SSBP3: variants seen among roughly 807,000 people sequenced by gnomAD.
SSBP3 encodes the protein single stranded DNA binding protein 3.
Under a neutral mutation model 69.6 loss-of-function variants are expected in SSBP3, and 5 were observed. The observed-to-expected ratio is 0.07, with a 90% CI of 0.04 to 0.15. The LOEUF (loss-of-function observed/expected upper bound fraction) is 0.15. SSBP3 is among the 10% of genes least tolerant of loss of function. The pLI, the probability that SSBP3 is intolerant of heterozygous loss-of-function variation, is 1.00. For missense variants in SSBP3, 312 were observed against 534.0 expected (o/e 0.58, Z 4.10); for synonymous variants, 196 against 193.4 (o/e 1.01, Z -0.11).
chr1:54,359,331 G>C (rs755317403), intron 4 of SSBP3, among the ~76,000 whole-genome samples: 59 of 151,872 alleles, frequency 3.9e-4, no homozygotes, highest in Non-Finnish European at 7.1e-4. Context: ...CTGTCTGGTA[G>C]TGAGTTCCCC....
At chr1:54,405,925 C>G in intron 1 of SSBP3, 28 bp downstream of exon 1, 1 of 1,258,680 alleles carries the variant, frequency 7.9e-7, no homozygotes, top group Non-Finnish European at 1.0e-6. Flanking sequence ...GGCGGCGGCG[C>G]GGCCGCCACT....
chr1:54,365,196 G>A (rs377072485), intron 4 of SSBP3, among the ~76,000 whole-genome samples: 6 of 152,198 alleles, frequency 3.9e-5, no homozygotes, highest in African/African-American at 7.2e-5. Flanking sequence ...ATTAGCTGCC[G>A]TATTGACAGA....
intron 4 of SSBP3, among the ~76,000 whole-genome samples, chr1:54,291,500 G>C (rs1569649106): frequency 6.6e-6 from 1 of 152,122 alleles, no homozygotes; most frequent in South Asian, 2.1e-4. Flanking sequence ...ACACGGGTTC[G>C]GCGCTGAGCA....
intron 14 of SSBP3, among the ~76,000 whole-genome samples, chr1:54,233,117 T>C (rs1324086301): frequency 4.7e-4 from 58 of 124,294 alleles, no homozygotes; most frequent in South Asian, 8.9e-4. Flanking sequence ...CCGGCCGCCA[T>C]CCCATCTAGG....
chr1:54,242,034 C>A, intron 11 of SSBP3, 130 bp downstream of exon 11: 1 of 1,108,452 alleles, frequency 9.0e-7, no homozygotes, highest in Admixed American at 2.0e-5. Flanking sequence ...ACGGCCTTCT[C>A]CCTAGAAGCA....
chr1:54,370,805 A>G (rs1647119698), intron 4 of SSBP3, among the ~76,000 whole-genome samples: 1 of 152,098 alleles, frequency 6.6e-6, no homozygotes, highest in Admixed American at 6.6e-5. Context: ...ACAAAGAATG[A>G]GCATGCGTGT....
chr1:54,247,616 C>T (rs1424441228), intron 9 of SSBP3, among the ~76,000 whole-genome samples: 3 of 152,158 alleles, frequency 2.0e-5, no homozygotes, highest in Non-Finnish European at 1.5e-5. Flanking sequence ...TTCATCTGAA[C>T]TCTCAAATGC....
intron 4 of SSBP3, among the ~76,000 whole-genome samples, chr1:54,307,203 G>A (rs1645916416): frequency 6.6e-6 from 1 of 152,014 alleles, no homozygotes; most frequent in Non-Finnish European, 1.5e-5. Flanking sequence ...CCCCAGTTAT[G>A]GCCACACCCC....
At chr1:54,364,781 C>T (rs902547815) in intron 4 of SSBP3, among the ~76,000 whole-genome samples, 5 of 152,214 alleles carry the variant, frequency 3.3e-5, no homozygotes, top group African/African-American at 1.2e-4. Context: ...GGCCACTCCT[C>T]CTCTCAGCAA....
At chr1:54,341,711 GAA>G (rs113716850) in intron 4 of SSBP3, among the ~76,000 whole-genome samples, 9,106 of 139,902 alleles carry the variant, frequency 0.065, 390 homozygotes, top group Admixed American at 0.14. Context: ...TATAATGATT[GAA>G]AAAAAAAAAA....
At chr1:54,251,746 C>A (rs373103170) in intron 8 of SSBP3, 48 bp downstream of exon 8, 8 of 1,593,338 alleles carry the variant, frequency 5.0e-6, no homozygotes, top group South Asian at 3.4e-5. Flanking sequence ...GGAGGAGGAG[C>A]CCCTCCTGGC....
At chr1:54,377,393 C>T (rs1307896354) in intron 4 of SSBP3, among the ~76,000 whole-genome samples, 2 of 152,226 alleles carry the variant, frequency 1.3e-5, no homozygotes, top group African/African-American at 2.4e-5. Flanking sequence ...CCACTGGGCA[C>T]ACACACTGAA....
intron 10 of SSBP3, 123 bp downstream of exon 10, chr1:54,243,112 T>A: frequency 1.2e-6 from 1 of 854,764 alleles, no homozygotes; most frequent in Non-Finnish European, 2.0e-6. Flanking sequence ...ACATTACCGA[T>A]GAGGAGACTG....
intron 4 of SSBP3, among the ~76,000 whole-genome samples, chr1:54,337,116 T>C (rs1247951280): frequency 2.0e-5 from 3 of 152,250 alleles, no homozygotes; most frequent in Non-Finnish European, 4.4e-5. Flanking sequence ...CGCTGTCTTC[T>C]CTTCCTTCCA....
chr1:54,228,537 C>A, intron 15 of SSBP3, 60 bp from the exon 16 acceptor site: 1 of 1,609,470 alleles, frequency 6.2e-7, no homozygotes. Flanking sequence ...AGGGGTCTCC[C>A]CTCGTCCTGG....
chr1:54,306,722 G>A (rs1055431250), intron 4 of SSBP3, among the ~76,000 whole-genome samples: 1 of 152,010 alleles, frequency 6.6e-6, no homozygotes, highest in Non-Finnish European at 1.5e-5. Context: ...CACCTCACAG[G>A]CCAGGCCTAG....
intron 9 of SSBP3, among the ~76,000 whole-genome samples, chr1:54,245,530 C>T (rs1341108099): frequency 6.6e-6 from 1 of 152,202 alleles, no homozygotes; most frequent in African/African-American, 2.4e-5. Context: ...CAAATCTCAC[C>T]ACCCTGGGGC....
chr1:54,369,059 C>T (rs1363795518), intron 4 of SSBP3, among the ~76,000 whole-genome samples: 2 of 152,226 alleles, frequency 1.3e-5, no homozygotes, highest in Non-Finnish European at 2.9e-5. Context: ...ATTATTTGCA[C>T]TTCCACGTAA....
At chr1:54,288,006 G>A (rs899025934) in intron 4 of SSBP3, among the ~76,000 whole-genome samples, 3 of 152,190 alleles carry the variant, frequency 2.0e-5, no homozygotes, top group African/African-American at 7.2e-5. Context: ...TCGTGTGGGA[G>A]GAGGGATGGA....
Sources: gnomAD v4.1 joint callset for allele counts (sites outside exome capture counted in the v4.1 genomes callset) on GRCh38, gnomAD v4.1.1 for gene constraint, MANE v1.5 for transcripts, NCBI Gene and HGNC (gene_info 2026-07-23, HGNC 2026-07-21) for gene names.